The following CACNA1I variants were observed in gnomAD, a reference collection of about 807,000 sequenced individuals.
CACNA1I encodes calcium voltage-gated channel subunit alpha1 I, also known as voltage-dependent T-type calcium channel subunit alpha-1I.
In CACNA1I, 74 loss-of-function variants were observed where a neutral mutation model predicts 201.6. The observed-to-expected ratio is 0.37, with a 90% CI of 0.30 to 0.45. The LOEUF (loss-of-function observed/expected upper bound fraction) is 0.45. Ranked by LOEUF, CACNA1I falls within the 20% of genes least tolerant of loss-of-function variation. The pLI is 1.00. For synonymous variants in CACNA1I, 1,431 were observed against 1,345.2 expected, an observed-to-expected ratio of 1.06 and a Z score of -1.40; for missense variants, 2,346 against 3,138.1, an observed-to-expected ratio of 0.75 and a Z score of 6.03.
chr22:39,642,070 T>TGCCTCC (rs1569075993), intron 6 of CACNA1I, among the ~76,000 whole-genome samples: 6 of 151,922 alleles, frequency 3.9e-5, no homozygotes, highest in African/African-American at 1.5e-4. Context: ...GGCTGAACTC[T>TGCCTCC]GCTGCCTCCG....
chr22:39,678,024 G>T lies in CACNA1I; in HGVS notation c.4971G>T (p.Arg1657=). ...AGAACCCGTGCGAGGGCATGAGCCG[G>T]CATGCCACCTTCGAGAACTTCGGCA... ...NDENPCEGMS[R]HATFENFGMA... The change falls in exon 31 of 37, where the codon CGG becomes CGT. Residue 1657 remains arginine, a synonymous_variant. Coordinates refer to ENST00000402142, the MANE Select transcript of CACNA1I (RefSeq NM_021096.4). 6.2e-7 allele frequency: 1 copy of T among 1,601,304 alleles called. No homozygotes were observed. The highest frequency in any genetic ancestry group is 2.3e-5 in the East Asian group (1 of 44,288).
intron 1 of CACNA1I, 31 bp downstream of exon 1, chr22:39,571,019 C>T (rs1390126626): frequency 9.6e-6 from 15 of 1,566,102 alleles, no homozygotes; most frequent in Non-Finnish European, 1.2e-5. Flanking sequence ...TGATCGGGGC[C>T]CTGCAGGGGC....
At chr22:39,584,089 T>C (rs1428838007) in intron 1 of CACNA1I, among the ~76,000 whole-genome samples, 1 of 152,206 alleles carries the variant, frequency 6.6e-6, no homozygotes, top group East Asian at 1.9e-4. Context: ...GAAAGGGCTC[T>C]CTGGCTGCCA....
chr22:39,677,459 C>A lies in CACNA1I; in HGVS notation c.4933+40C>A. On this transcript the variant is annotated intron_variant, in intron 30 of 36. Coordinates refer to ENST00000402142, the MANE Select transcript of CACNA1I (RefSeq NM_021096.4). The surrounding 1 kb of genome is among the most constrained non-coding windows in gnomAD (Gnocchi z 4.8). ...GAGCAGGCCCGTGGTGGGGGTGCAG[C>A]AGGGCTGCAGGAGGAACTGGGGGGG... is the stretch of plus-strand genomic sequence containing the variant. The A allele has an allele frequency of 7.2e-7, 1 of 1,395,760 alleles. No homozygotes were observed. The highest frequency in any genetic ancestry group is 9.6e-7 in the Non-Finnish European group (1 of 1,036,620). The allele number at this position is 1,395,760 out of a possible 1,614,324, so 86.5% of individuals were successfully genotyped here.
At chr22:39,601,185 A>G (rs1344439035) in intron 3 of CACNA1I, among the ~76,000 whole-genome samples, 1 of 152,166 alleles carries the variant, frequency 6.6e-6, no homozygotes, top group East Asian at 1.9e-4. Context: ...TCCTGGGTCA[A>G]ACCCATCCAT....
rs150792798 is a variant in CACNA1I at position 39,623,123 on chromosome 22, G to A, written c.580+3716G>A. ...TAGGGGCATGGGACGGGACACGGGC[G>A]GAGGCCTCGCTCTTGCCAGGCGGGC... On this transcript the variant is annotated intron_variant, in intron 4 of 36. Coordinates refer to ENST00000402142, the MANE Select transcript of CACNA1I (RefSeq NM_021096.4). Among the ~76,000 whole-genome samples, 399 of 152,342 alleles carry A rather than the reference G, an allele frequency of 2.6e-3. 2 individuals are homozygous for A. Among genetic ancestry groups the A allele is most frequent in the African/African-American group, 9.1e-3 (378 of 41,580 alleles).
At chr22:39,641,959 T>A (rs570579528) in intron 6 of CACNA1I, among the ~76,000 whole-genome samples, 3 of 152,126 alleles carry the variant, frequency 2.0e-5, no homozygotes, top group African/African-American at 7.2e-5. Context: ...CAGCCCTGTG[T>A]ACAGAGTGCT....
chr22:39,586,037 G>C (rs1932741280), intron 1 of CACNA1I, among the ~76,000 whole-genome samples: 1 of 151,742 alleles, frequency 6.6e-6, no homozygotes, highest in Non-Finnish European at 1.5e-5. Context: ...AATTAGCCAG[G>C]CATGGTGGCA....
intron 1 of CACNA1I, among the ~76,000 whole-genome samples, chr22:39,596,987 CT>C (rs1216564161): frequency 6.6e-6 from 1 of 152,172 alleles, no homozygotes; most frequent in Non-Finnish European, 1.5e-5. Context: ...CATCTCTCCT[CT>C]TACAGAAGGA....
chr22:39,653,091 A>C (rs1398423397), intron 10 of CACNA1I, among the ~76,000 whole-genome samples: 1 of 146,880 alleles, frequency 6.8e-6, no homozygotes, highest in Non-Finnish European at 1.5e-5. Context: ...GGAGCCCCCC[A>C]CACGGTGGCT....
intron 24 of CACNA1I, among the ~76,000 whole-genome samples, chr22:39,669,014 C>T (rs1935285215): frequency 6.6e-6 from 1 of 152,118 alleles, no homozygotes; most frequent in African/African-American, 2.4e-5. Flanking sequence ...AGGGAGGAGA[C>T]TCAGCCTTGG....
At chr22:39,606,090 C>T (rs779590269) in intron 3 of CACNA1I, among the ~76,000 whole-genome samples, 10 of 152,256 alleles carry the variant, frequency 6.6e-5, no homozygotes, top group African/African-American at 1.4e-4. Flanking sequence ...CAAAGGACAG[C>T]GTTCATCCCT....
At chr22:39,596,904 T>G (rs750355383) in intron 1 of CACNA1I, among the ~76,000 whole-genome samples, 5 of 152,124 alleles carry the variant, frequency 3.3e-5, no homozygotes, top group Non-Finnish European at 7.4e-5. Context: ...GAGAGCCCCT[T>G]TCTGTCTCCT....
chr22:39,628,263 C>A (rs1304583716), intron 4 of CACNA1I, among the ~76,000 whole-genome samples: 1 of 152,134 alleles, frequency 6.6e-6, no homozygotes, highest in Non-Finnish European at 1.5e-5. Context: ...AGATGTGGGG[C>A]CAAGATCAGG....
chr22:39,663,953 G>C, intron 19 of CACNA1I, 112 bp downstream of exon 19: 5 of 1,543,582 alleles, frequency 3.2e-6, no homozygotes, highest in Non-Finnish European at 4.4e-6. Flanking sequence ...CAGGAAGTTT[G>C]CCTTTGGGGC....
intron 4 of CACNA1I, among the ~76,000 whole-genome samples, chr22:39,627,829 G>A (rs1463662952): frequency 6.6e-6 from 1 of 152,016 alleles, no homozygotes; most frequent in Non-Finnish European, 1.5e-5. Context: ...TCCTGAGGGA[G>A]AAAGGCCTGA....
intron 10 of CACNA1I, among the ~76,000 whole-genome samples, chr22:39,652,417 T>C (rs1456679404): frequency 6.6e-6 from 1 of 152,146 alleles, no homozygotes; most frequent in East Asian, 1.9e-4. Flanking sequence ...GATTTCCTCA[T>C]CTACTAAGCA....
At chr22:39,589,887 G>A (rs138849652) in intron 1 of CACNA1I, among the ~76,000 whole-genome samples, 4 of 152,252 alleles carry the variant, frequency 2.6e-5, no homozygotes, top group Non-Finnish European at 5.9e-5. Flanking sequence ...CAACTGAAAC[G>A]CACCCTGGGA....
intron 2 of CACNA1I, 75 bp downstream of exon 2, chr22:39,598,337 A>G (rs1254090236): frequency 7.3e-6 from 3 of 412,932 alleles, no homozygotes; most frequent in African/African-American, 5.3e-5. Flanking sequence ...CCCACTCCAC[A>G]CCCCCGCCCC....
Sources: allele counts gnomAD v4.1 joint callset (sites outside exome capture counted in the v4.1 genomes callset), GRCh38; gene constraint gnomAD v4.1.1; non-coding constraint Gnocchi (gnomAD v3.1); transcripts MANE v1.5; gene names NCBI Gene and HGNC (gene_info 2026-07-23, HGNC 2026-07-21).